Variants in NECAB1 observed in about 807,000 individuals in gnomAD.
NECAB1 encodes N-terminal EF-hand calcium binding protein 1, also known as N-terminal EF-hand calcium-binding protein 1.
Under a neutral mutation model 57.5 loss-of-function variants are expected in NECAB1, and 29 were observed. The observed-to-expected ratio is 0.50, with a 90% confidence interval of 0.38 to 0.69. The LOEUF is 0.69. Among genes scored for constraint, NECAB1 ranks in the 30% least tolerant of loss-of-function variants. NECAB1 has a pLI of 0.00. For missense variants in NECAB1, 372 were observed against 413.8 expected, an observed-to-expected ratio of 0.90 and a Z score of 0.88; for synonymous variants, 142 against 147.7, an observed-to-expected ratio of 0.96 and a Z score of 0.28.
At chr8:90,793,157 G>A (rs1811603089) in intron 1 of NECAB1, among the ~76,000 whole-genome samples, 1 of 152,182 alleles carries the variant, frequency 6.6e-6, no homozygotes, top group South Asian at 2.1e-4. Flanking sequence ...TATCATAATG[G>A]TGAGGCAGAG....
chr8:90,819,959 AAGTTTCTGG>A (rs1812118737), intron 2 of NECAB1, among the ~76,000 whole-genome samples: 1 of 151,814 alleles, frequency 6.6e-6, no homozygotes, highest in South Asian at 2.1e-4. Context: ...GAAACTGGTG[AAGTTTCTGG>A]AGGTAAAACC....
chr8:90,892,686 A>G (rs1275907851), intron 5 of NECAB1, among the ~76,000 whole-genome samples: 1 of 152,166 alleles, frequency 6.6e-6, no homozygotes, highest in Non-Finnish European at 1.5e-5. Context: ...GGGCCACATG[A>G]GGCAGAGCCT....
intron 2 of NECAB1, among the ~76,000 whole-genome samples, chr8:90,815,766 T>A (rs1299190925): frequency 1.3e-5 from 2 of 152,040 alleles, no homozygotes; most frequent in Non-Finnish European, 2.9e-5. Context: ...ATTGTGTGGA[T>A]GTATCAAATT....
chr8:90,896,599 C>T lies in NECAB1; in HGVS notation c.357+15469C>T, dbSNP rs1423414394. ...CAGCCTGGGCGACAGAGCGAGACTC[C>T]GTCTCAAAAAAAAACAAAAACAAAA... On this transcript the variant is annotated intron_variant, in intron 5 of 12. Coordinates refer to ENST00000417640, the MANE Select transcript of NECAB1 (RefSeq NM_022351.5). Among the ~76,000 whole-genome samples the T allele has an allele frequency of 1.5e-4, 21 of 138,020 alleles. No homozygotes were observed. The South Asian group carries it at 4.3e-3, about 28-fold the overall frequency. 90.5% of individuals were successfully genotyped at this position (138,020 alleles called of 152,430 possible). A position where few individuals can be genotyped will look rare whatever the true frequency, so the allele number is the denominator to read the frequency against.
chr8:90,817,715 ATTTTG>A (rs1395025507), intron 2 of NECAB1, among the ~76,000 whole-genome samples: 1 of 151,682 alleles, frequency 6.6e-6, no homozygotes, highest in Non-Finnish European at 1.5e-5. Context: ...ATTTGCTAAT[ATTTTG>A]TTGAGAATTT....
At chr8:90,826,437 T>C (rs1180330284) in intron 3 of NECAB1, among the ~76,000 whole-genome samples, 1 of 151,928 alleles carries the variant, frequency 6.6e-6, no homozygotes, top group African/African-American at 2.4e-5. Context: ...CTTAAATCGC[T>C]ACTGGGGAAG....
chr8:90,797,370 G>A (rs140050816), intron 1 of NECAB1, among the ~76,000 whole-genome samples: 1 of 152,268 alleles, frequency 6.6e-6, no homozygotes, highest in East Asian at 1.9e-4. Flanking sequence ...AACACATTGT[G>A]GCAATGATTA....
At chr8:90,934,666 T>C (rs1438704905) in intron 9 of NECAB1, among the ~76,000 whole-genome samples, 1 of 152,154 alleles carries the variant, frequency 6.6e-6, no homozygotes, top group Non-Finnish European at 1.5e-5. Flanking sequence ...AGTTGTATCA[T>C]AAACATTTTG....
intron 6 of NECAB1, among the ~76,000 whole-genome samples, chr8:90,924,148 G>T (rs559739956): frequency 6.6e-6 from 1 of 152,190 alleles, no homozygotes; most frequent in African/African-American, 2.4e-5. Flanking sequence ...GAAAACACTA[G>T]ATTTTTCACT....
At chr8:90,874,243 A>C (rs2129854027) in intron 4 of NECAB1, among the ~76,000 whole-genome samples, 2 of 152,352 alleles carry the variant, frequency 1.3e-5, no homozygotes, top group South Asian at 4.1e-4. Context: ...CTTGATTGGC[A>C]TGAAAAGTAG....
intron 5 of NECAB1, among the ~76,000 whole-genome samples, chr8:90,891,871 T>C (rs1284495993): frequency 1.3e-5 from 2 of 152,026 alleles, no homozygotes; most frequent in Non-Finnish European, 2.9e-5. Context: ...TTTTTGTATT[T>C]TTAGTAGAGA....
intron 6 of NECAB1, among the ~76,000 whole-genome samples, chr8:90,921,390 C>G (rs770353154): frequency 3.3e-5 from 5 of 151,672 alleles, no homozygotes; most frequent in Non-Finnish European, 7.4e-5. Flanking sequence ...ACCTGCAGGT[C>G]AGGCATGGTG....
intron 7 of NECAB1, 59 bp downstream of exon 7, chr8:90,925,715 T>C: frequency 6.9e-6 from 11 of 1,594,240 alleles, no homozygotes; most frequent in African/African-American, 1.3e-5. Flanking sequence ...CGTTTTCCAA[T>C]TGATTATTTT....
intron 3 of NECAB1, among the ~76,000 whole-genome samples, chr8:90,857,005 C>G (rs1359532109): frequency 6.6e-6 from 1 of 152,170 alleles, no homozygotes; most frequent in Non-Finnish European, 1.5e-5. Flanking sequence ...AGAAGAAATT[C>G]CAACTCCAAC....
chr8:90,887,824 A>G (rs1312961320), intron 5 of NECAB1, among the ~76,000 whole-genome samples: 1 of 152,144 alleles, frequency 6.6e-6, no homozygotes, highest in Admixed American at 6.5e-5. Context: ...TGCAGTTGGT[A>G]TTTCACCTTA....
intron 5 of NECAB1, among the ~76,000 whole-genome samples, chr8:90,895,492 A>G (rs995165547): frequency 1.3e-5 from 2 of 152,256 alleles, no homozygotes; most frequent in African/African-American, 4.8e-5. Flanking sequence ...AAAAGCACCT[A>G]CTGTGTTCAG....
chr8:90,906,883 A>ATATATATGTATATATATATATATGTG (rs1554574053), intron 5 of NECAB1, among the ~76,000 whole-genome samples: 1 of 80,758 alleles, frequency 1.2e-5, no homozygotes, highest in African/African-American at 4.8e-5. Flanking sequence ...ACACATATAT[A>ATATATATGTATATATATATATATGTG]TATATATATA....
chr8:90,812,024 A>T (rs1321201573), intron 2 of NECAB1, among the ~76,000 whole-genome samples: 1 of 152,134 alleles, frequency 6.6e-6, no homozygotes, highest in Non-Finnish European at 1.5e-5. Flanking sequence ...CTCAAGCAAA[A>T]ATCAGTGTTT....
intron 3 of NECAB1, among the ~76,000 whole-genome samples, chr8:90,837,225 G>A (rs1361140740): frequency 2.0e-5 from 3 of 152,204 alleles, no homozygotes; most frequent in African/African-American, 7.2e-5. Context: ...AATATAGATG[G>A]GGCAGTAAAA....
Sources: allele counts gnomAD v4.1 joint callset (sites outside exome capture counted in the v4.1 genomes callset), GRCh38; gene constraint gnomAD v4.1.1; transcripts MANE v1.5; gene names NCBI Gene and HGNC (gene_info 2026-07-23, HGNC 2026-07-21).